The following AXIN1 variants were observed in gnomAD, a reference collection of about 807,000 sequenced individuals.
AXIN1 encodes the protein axin-1.
In AXIN1, 30 loss-of-function variants were observed where a neutral mutation model predicts 76.4. The ratio of observed to expected loss-of-function variants is 0.39; its 90% CI spans 0.29 to 0.53. The LOEUF is 0.53. Among genes scored for constraint, AXIN1 ranks in the 20% least tolerant of loss-of-function variants. The pLI, the probability that AXIN1 is intolerant of heterozygous loss-of-function variation, is 0.66. For missense variants in AXIN1, 1,140 were observed against 1,198.8 expected (o/e 0.95, Z 0.72); for synonymous variants, 545 against 501.4 (o/e 1.09, Z -1.16).
intron 6 of AXIN1, among the ~76,000 whole-genome samples, 168 bp downstream of exon 6, chr16:297,554 C>T (rs1051596542): frequency 6.6e-6 from 1 of 152,192 alleles, no homozygotes; most frequent in Non-Finnish European, 1.5e-5. Flanking sequence ...CCTGAGGTCA[C>T]GGCGTGGACT....
chr16:342,602 C>A (rs1034759429), intron 2 of AXIN1, among the ~76,000 whole-genome samples: 2 of 152,248 alleles, frequency 1.3e-5, no homozygotes, highest in Non-Finnish European at 2.9e-5. Flanking sequence ...ACCCACTTTC[C>A]TTCAGGAGTG....
chr16:301,306 A>C (rs1181269715), intron 5 of AXIN1, among the ~76,000 whole-genome samples: 1 of 151,842 alleles, frequency 6.6e-6, no homozygotes, highest in African/African-American at 2.4e-5. Context: ...AAAAAAAAAA[A>C]AACTGGAGTT....
At position 298,231 on chromosome 16, in the gene AXIN1, G is replaced by A. The variant is rs966557459; in HGVS notation, c.1275C>T (p.Gly425=). 2.7e-5 allele frequency: 42 copies of A among 1,539,620 alleles called. No homozygotes were observed. Among genetic ancestry groups the A allele is most frequent in the Middle Eastern group, 1.7e-4 (1 of 6,012 alleles). The change falls in exon 6 of 11, where the codon GGC becomes GGT. Residue 425 remains glycine, a synonymous_variant. Coordinates refer to ENST00000262320, the MANE Select transcript of AXIN1 (RefSeq NM_003502.4). ...RVRMEEEGED[G]DPSSGPPGPC... is the part of the protein sequence containing the mutation. Reference sequence around the variant, plus strand: ...GCCCTGGGGGCCCTGACGATGGATCGCCGTCCTCACCTTCCTCCTCCTGTG... The same window carrying A: ...GCCCTGGGGGCCCTGACGATGGATCACCGTCCTCACCTTCCTCCTCCTGTG...
At chr16:298,707 C>T (rs1353392442) in intron 5 of AXIN1, among the ~76,000 whole-genome samples, 2 of 151,736 alleles carry the variant, frequency 1.3e-5, no homozygotes, top group East Asian at 3.9e-4. Context: ...ATGCGATTCT[C>T]ACCATATTGG....
intron 4 of AXIN1, among the ~76,000 whole-genome samples, chr16:305,154 G>A (rs1454202093): frequency 1.3e-5 from 2 of 152,258 alleles, no homozygotes; most frequent in Admixed American, 1.3e-4. Flanking sequence ...GGAGGTCTGG[G>A]AAAGGCAGGC....
intron 3 of AXIN1, among the ~76,000 whole-genome samples, chr16:312,218 C>A: frequency 6.6e-6 from 1 of 152,170 alleles, no homozygotes; most frequent in East Asian, 1.9e-4. Flanking sequence ...GAGCTTGCCG[C>A]CAGCACAAAA....
chr16:326,912 G>A (rs942612641), intron 2 of AXIN1, among the ~76,000 whole-genome samples: 18 of 151,672 alleles, frequency 1.2e-4, no homozygotes, highest in Admixed American at 9.2e-4. Context: ...AGGCCGAGGC[G>A]GGGGGATCAC....
chr16:291,286 T>G lies in AXIN1; in HGVS notation c.2198A>C (p.Glu733Ala). Residue 733 changes from glutamate (E) to alanine (A), a missense_variant, in exon 9 of 11, where the codon GAG (glutamate) becomes GCG (alanine). Transcript: ENST00000262320. ...RAPSKQRYVQ[E>A]VMRRGRACVR... is the part of the protein sequence containing the mutation. ...GCAGGCGCGTCCCCGCCGCATAACC[T>G]CCTGCACATACCTAGGGAACAACCC... is the stretch of plus-strand genomic sequence containing the variant. 6.3e-7 allele frequency: 1 copy of G among 1,579,024 alleles called. No homozygotes were observed. The highest frequency in any genetic ancestry group is 8.6e-7 in the Non-Finnish European group (1 of 1,163,348).
chr16:298,011 C>A lies in AXIN1; in HGVS notation c.1495G>T (p.Val499Leu), dbSNP rs769972546. Reference protein sequence around the residue: ...PGHRSPDSGHVAKMPVALGGA... With the variant: ...PGHRSPDSGHLAKMPVALGGA... Reference sequence around the variant, plus strand: ...CCCAGTGCCACTGGCATCTTGGCCACGTGCCCACTGTCCGGGGAGCGATGG... The same window carrying A: ...CCCAGTGCCACTGGCATCTTGGCCAAGTGCCCACTGTCCGGGGAGCGATGG... Residue 499 changes from valine (V) to leucine (L), a missense_variant, in exon 6 of 11, where the codon GTG becomes TTG. Physicochemically the swap from Val to Leu is conservative, Grantham distance 32. Around this residue, in one of 3 missense-constraint regions of AXIN1, gnomAD observed 708 missense variants for 776.9 expected, o/e 0.91. Transcript: ENST00000262320. The A allele has an allele frequency of 1.9e-6, 3 of 1,598,094 alleles. No homozygotes were observed. The highest frequency in any genetic ancestry group is 2.5e-6 in the Non-Finnish European group (3 of 1,177,584).
intron 4 of AXIN1, among the ~76,000 whole-genome samples, chr16:308,610 C>T (rs577083261): frequency 2.2e-4 from 34 of 152,354 alleles, no homozygotes; most frequent in Admixed American, 3.3e-4. Flanking sequence ...GGGTTCTTGA[C>T]GTTCAGGACC....
At chr16:343,007 C>T (rs1451047336) in intron 2 of AXIN1, among the ~76,000 whole-genome samples, 2 of 152,172 alleles carry the variant, frequency 1.3e-5, no homozygotes, top group Non-Finnish European at 2.9e-5. Context: ...GACTTCATGC[C>T]CTGTCTGTGC....
intron 5 of AXIN1, 145 bp downstream of exon 5, chr16:304,159 G>C: frequency 7.2e-7 from 1 of 1,386,638 alleles, no homozygotes; most frequent in Admixed American, 1.8e-5. Context: ...AGAGAAAGGG[G>C]AACAGGGGAC....
intron 4 of AXIN1, among the ~76,000 whole-genome samples, chr16:306,173 A>ACACACG (rs1172234773): frequency 2.0e-5 from 3 of 151,946 alleles, no homozygotes; most frequent in African/African-American, 7.3e-5. Flanking sequence ...ACACGTACAC[A>ACACACG]CACACGCACA....
intron 2 of AXIN1, among the ~76,000 whole-genome samples, chr16:344,075 T>C (rs1013605411): frequency 2.6e-5 from 4 of 151,668 alleles, no homozygotes; most frequent in Non-Finnish European, 4.4e-5. Flanking sequence ...CAGGATAACT[T>C]TGCGGCATAT....
chr16:313,204 C>G (rs2053222566), intron 3 of AXIN1, among the ~76,000 whole-genome samples: 1 of 152,160 alleles, frequency 6.6e-6, no homozygotes, highest in African/African-American at 2.4e-5. Context: ...ACTCTGAAGG[C>G]TGAGGCAGAA....
rs189638871 is a variant in AXIN1 at position 294,193 on chromosome 16, C to T, written c.1956-475G>A. Among the ~76,000 whole-genome samples, 485 of 152,198 alleles carry T rather than the reference C, an allele frequency of 3.2e-3. 2 individuals carry two copies. The highest frequency in any genetic ancestry group is 3.3e-3 in the South Asian group (16 of 4,824). Reference sequence around the variant, plus strand: ...AAAAAGACAACAAAAAACCAACCCTCATTTGCCTGTAATCCCAATACTCTG... The same window carrying T: ...AAAAAGACAACAAAAAACCAACCCTTATTTGCCTGTAATCCCAATACTCTG... On this transcript the variant is annotated intron_variant, in intron 7 of 10. Coordinates refer to ENST00000262320, the MANE Select transcript of AXIN1 (RefSeq NM_003502.4).
At chr16:294,323 TGTG>T (rs2052649450) in intron 7 of AXIN1, among the ~76,000 whole-genome samples, 1 of 140,896 alleles carries the variant, frequency 7.1e-6, no homozygotes, top group Non-Finnish European at 1.5e-5. Context: ...ATTACCCAAG[TGTG>T]GTGGTGGATA....
rs566316566 is a variant in AXIN1, at chr16:314,888, C to T, written c.879-205G>A. Among the ~76,000 whole-genome samples the T allele has an allele frequency of 3.5e-4, 54 of 152,292 alleles. No individual in the cohort carries two copies. In the Middle Eastern group the frequency reaches 0.02, roughly 58 times the overall value. On this transcript the variant is annotated intron_variant, in intron 2 of 10. Coordinates refer to ENST00000262320, the MANE Select transcript of AXIN1 (RefSeq NM_003502.4). ...TTTTCAACGGGGTGCATTAAAGCAC[C>T]GGGCATCTTTCCAGATCTCTCCTCT...
rs2052419489 is a variant in AXIN1, at chr16:287,693, G to A, written c.*429C>T. The A allele has an allele frequency of 5.9e-6, 2 of 340,372 alleles. No individual in the cohort carries two copies. 21.1% of individuals were successfully genotyped at this position (340,372 alleles called of 1,614,324 possible). ...AGACAAGCTGTGTTGAAGGCACTCG[G>A]TGGCGCGTACAATTGACAGAGGCCC... On this transcript the variant is annotated 3_prime_UTR_variant, in exon 11 of 11. Coordinates refer to ENST00000262320, the MANE Select transcript of AXIN1 (RefSeq NM_003502.4).
Sources: allele counts gnomAD v4.1 joint callset (sites outside exome capture counted in the v4.1 genomes callset), GRCh38; gene constraint gnomAD v4.1.1; regional missense constraint gnomAD v4.1.1; transcripts MANE v1.5; gene names NCBI Gene and HGNC (gene_info 2026-07-23, HGNC 2026-07-21).